Variants in IL12RB2 observed in about 807,000 individuals in gnomAD.
The protein encoded by IL12RB2 is interleukin-12 receptor subunit beta-2.
IL12RB2 carries 82 observed loss-of-function variants against 89.4 expected under a neutral mutation model. The ratio of observed to expected loss-of-function variants is 0.92; its 90% CI spans 0.77 to 1.10. IL12RB2 has a LOEUF of 1.10. Among genes scored for constraint, IL12RB2 ranks in the 50% least tolerant of loss-of-function variants. IL12RB2 has a pLI of 0.00. For missense variants in IL12RB2, 963 were observed against 1,031.9 expected, an observed-to-expected ratio of 0.93 and a Z score of 0.92; for synonymous variants, 368 against 370.1, an observed-to-expected ratio of 0.99 and a Z score of 0.07.
At chr1:67,333,280 C>G (rs959878724) in intron 8 of IL12RB2, among the ~76,000 whole-genome samples, 1 of 151,968 alleles carries the variant, frequency 6.6e-6, no homozygotes, top group Non-Finnish European at 1.5e-5. Flanking sequence ...TATGAAACAC[C>G]AACTGATGTA....
At chr1:67,367,551 G>A (rs1196000124) in intron 10 of IL12RB2, among the ~76,000 whole-genome samples, 5 of 150,798 alleles carry the variant, frequency 3.3e-5, no homozygotes, top group African/African-American at 1.2e-4. Context: ...AGGAAGGAAG[G>A]GAAGGAAGGA....
intron 13 of IL12RB2, 100 bp from the exon 14 acceptor site, chr1:67,379,886 T>C (rs1664398037): frequency 3.0e-6 from 3 of 984,862 alleles, no homozygotes; most frequent in Admixed American, 3.5e-5. Flanking sequence ...GCTTTTTCCT[T>C]CCAAATTAAA....
Position 67,322,081 on chromosome 1 carries a change from GTCTCTC to G in IL12RB2, c.364+207_364+212del, listed in dbSNP as rs35077887. 2.0e-5 allele frequency among the ~76,000 whole-genome samples: 3 copies of G among 149,076 alleles called. No individual in the cohort carries two copies. In the South Asian group the frequency reaches 6.3e-4, roughly 31 times the overall value. On this transcript the variant is annotated intron_variant, in intron 4 of 16. Coordinates refer to ENST00000674203, the MANE Select transcript of IL12RB2 (RefSeq NM_001374259.2). ...CAGAAACTGGAATCTTATTTGGCAA[GTCTCTC>G]TCTCTCTCTCTCTCGCCATTAAAAC...
chr1:67,389,030 T>G (rs1570215209), intron 15 of IL12RB2, among the ~76,000 whole-genome samples: 1 of 152,124 alleles, frequency 6.6e-6, no homozygotes, highest in East Asian at 1.9e-4. Flanking sequence ...TCAGTTACAG[T>G]GCAGGCTAAA....
chr1:67,344,364 C>G (rs1417147251), intron 9 of IL12RB2, among the ~76,000 whole-genome samples: 1 of 152,172 alleles, frequency 6.6e-6, no homozygotes, highest in Non-Finnish European at 1.5e-5. Context: ...GTGATCTTGG[C>G]TCACTGCAAC....
chr1:67,326,102 G>T (rs1408857568), intron 4 of IL12RB2, among the ~76,000 whole-genome samples: 3 of 152,204 alleles, frequency 2.0e-5, no homozygotes, highest in African/African-American at 7.2e-5. Context: ...AGACAATGCA[G>T]AAATTAGATT....
intron 10 of IL12RB2, among the ~76,000 whole-genome samples, chr1:67,359,757 C>T (rs1003550737): frequency 2.0e-5 from 3 of 151,916 alleles, no homozygotes; most frequent in African/African-American, 7.3e-5. Flanking sequence ...CTTTCAGTTT[C>T]CAGTCTAGCA....
At chr1:67,375,410 A>G (rs1415828015) in intron 13 of IL12RB2, among the ~76,000 whole-genome samples, 1 of 152,180 alleles carries the variant, frequency 6.6e-6, no homozygotes, top group East Asian at 1.9e-4. Context: ...GTGAAAAATA[A>G]AAAGGAAAAG....
chr1:67,350,071 C>T lies in IL12RB2; in HGVS notation c.1039-799C>T, dbSNP rs572728740. On this transcript the variant is annotated intron_variant, in intron 9 of 16. Transcript: ENST00000674203. Reference sequence around the variant, plus strand: ...CCCACCCATGGAAGGGACAGCCTTGCCAAGAAAACTGTAGCACTTGAATCT... The same window carrying T: ...CCCACCCATGGAAGGGACAGCCTTGTCAAGAAAACTGTAGCACTTGAATCT... 5.9e-5 allele frequency among the ~76,000 whole-genome samples: 9 copies of T among 152,278 alleles called. No homozygotes were observed. The South Asian group carries it at 1.9e-3, about 32-fold the overall frequency.
At chr1:67,350,601 T>G (rs1660721176) in intron 9 of IL12RB2, among the ~76,000 whole-genome samples, 1 of 152,258 alleles carries the variant, frequency 6.6e-6, no homozygotes, top group Non-Finnish European at 1.5e-5. Context: ...TTGTCTACTA[T>G]TAGTAAGTTT....
intron 10 of IL12RB2, among the ~76,000 whole-genome samples, chr1:67,364,097 A>G (rs1662413841): frequency 6.6e-6 from 1 of 152,252 alleles, no homozygotes; most frequent in Admixed American, 6.5e-5. Flanking sequence ...AAATTTAAAT[A>G]TATAGACATA....
chr1:67,333,747 T>TA (rs1287720432), intron 8 of IL12RB2, among the ~76,000 whole-genome samples: 3 of 152,162 alleles, frequency 2.0e-5, no homozygotes, highest in African/African-American at 4.8e-5. Flanking sequence ...ATTTTCCTTG[T>TA]AGTGGGAAAA....
rs528892665 is a variant in IL12RB2, at chr1:67,357,216, T to G, written c.1258+6127T>G. On this transcript the variant is annotated intron_variant, in intron 10 of 16. Transcript: ENST00000674203. ...TACTAAAAAAATAAATAAATAAAAATAAAAAAGAAAAATTAGCTGGGTGTG... is the reference window on the plus strand; with the variant it reads ...TACTAAAAAAATAAATAAATAAAAAGAAAAAAGAAAAATTAGCTGGGTGTG... Among the ~76,000 whole-genome samples, 9 of 151,794 alleles carry G rather than the reference T, an allele frequency of 5.9e-5. No homozygotes were observed. The East Asian group carries it at 7.7e-4, about 13-fold the overall frequency.
intron 8 of IL12RB2, among the ~76,000 whole-genome samples, chr1:67,338,048 C>T (rs17129811): frequency 6.6e-5 from 10 of 151,446 alleles, no homozygotes; most frequent in Admixed American, 1.3e-4. Flanking sequence ...AAGTTAAGGC[C>T]GGGTGCAGTG....
At chr1:67,390,920 C>T (rs1399310536) in intron 16 of IL12RB2, among the ~76,000 whole-genome samples, 1 of 152,152 alleles carries the variant, frequency 6.6e-6, no homozygotes, top group African/African-American at 2.4e-5. Context: ...CAAGATGCTT[C>T]TCTCCAACTA....
chr1:67,351,509 AACCAAAGTCGGGGATGGTG>A (rs1660837258), intron 10 of IL12RB2, among the ~76,000 whole-genome samples: 2 of 152,196 alleles, frequency 1.3e-5, no homozygotes, highest in South Asian at 4.1e-4. Context: ...GTCTTTTTAA[AACCAAAGTCGGGGATGGTG>A]GTGTGTACCT....
chr1:67,392,025 G>A lies in IL12RB2; in HGVS notation c.2046+1897G>A, dbSNP rs117273945. ...CGTAACTTGCCCAATGTTAGTCAGC[G>A]AGTACATGGTGGATCCTGGACTCAT... On this transcript the variant is annotated intron_variant, in intron 16 of 16. Transcript: ENST00000674203. 3.6e-3 allele frequency among the ~76,000 whole-genome samples: 551 copies of A among 152,254 alleles called. 10 individuals are homozygous for A. The East Asian group carries it at 0.045, about 13-fold the overall frequency.
intron 11 of IL12RB2, 102 bp from the exon 12 acceptor site, chr1:67,372,334 A>C: frequency 1.3e-6 from 1 of 780,900 alleles, no homozygotes; most frequent in South Asian, 1.4e-5. Flanking sequence ...AGGAAAAGGC[A>C]AGAAACACCT....
intron 4 of IL12RB2, 62 bp from the exon 5 acceptor site, chr1:67,326,673 A>G: frequency 6.3e-7 from 1 of 1,590,424 alleles, no homozygotes; most frequent in Non-Finnish European, 8.6e-7. Context: ...ATGGCAGATA[A>G]TAACAATTCG....
Sources: allele counts gnomAD v4.1 joint callset (sites outside exome capture counted in the v4.1 genomes callset), GRCh38; gene constraint gnomAD v4.1.1; transcripts MANE v1.5; gene names NCBI Gene and HGNC (gene_info 2026-07-23, HGNC 2026-07-21).